The following TMEM217 variants were observed in gnomAD, a reference collection of about 807,000 sequenced individuals.
TMEM217 encodes the protein transmembrane protein 217.
For synonymous variants in TMEM217, 76 were observed against 88.3 expected (o/e 0.86, Z 0.78); for missense variants, 204 against 248.8 (o/e 0.82, Z 1.21).
chr6:37,220,408 C>T (rs1036237843), intron 1 of TMEM217, among the ~76,000 whole-genome samples: 2 of 152,060 alleles, frequency 1.3e-5, no homozygotes, highest in Non-Finnish European at 2.9e-5. Flanking sequence ...CAAAGGCCTA[C>T]GATTAGGGGA....
chr6:37,230,862 T>G (rs1184042047), intron 1 of TMEM217, among the ~76,000 whole-genome samples: 5 of 152,100 alleles, frequency 3.3e-5, no homozygotes, highest in African/African-American at 7.2e-5. Context: ...CTTATAAAAA[T>G]TAAGTTAATT....
intron 1 of TMEM217, among the ~76,000 whole-genome samples, chr6:37,227,041 CCTGTATAT>C (rs1763880391): frequency 6.6e-6 from 1 of 152,170 alleles, no homozygotes; most frequent in Non-Finnish European, 1.5e-5. Flanking sequence ...TTTGCCCAGG[CCTGTATAT>C]CTGCACAGCA....
chr6:37,213,604 C>T (rs985708116), downstream of TMEM217, among the ~76,000 whole-genome samples: 1 of 152,226 alleles, frequency 6.6e-6, no homozygotes, highest in Non-Finnish European at 1.5e-5. Flanking sequence ...TAACAATAAG[C>T]CACCATTGTG....
intron 1 of TMEM217, among the ~76,000 whole-genome samples, chr6:37,255,623 G>A (rs1458496464): frequency 6.6e-6 from 1 of 151,630 alleles, no homozygotes; most frequent in Non-Finnish European, 1.5e-5. Flanking sequence ...GATGGAGGTT[G>A]TAGTGTGCTG....
intron 1 of TMEM217, among the ~76,000 whole-genome samples, chr6:37,225,354 A>C (rs1009276862): frequency 3.9e-5 from 6 of 152,142 alleles, no homozygotes; most frequent in African/African-American, 1.4e-4. Flanking sequence ...TGAGAGATTC[A>C]CAAGTGTTCA....
chr6:37,256,627 G>A (rs1765749878), intron 1 of TMEM217, among the ~76,000 whole-genome samples: 2 of 152,084 alleles, frequency 1.3e-5, no homozygotes, highest in South Asian at 4.1e-4. Flanking sequence ...TGGGAGTAAT[G>A]AAGAAACCGT....
At chr6:37,250,672 C>T (rs1176896589) in intron 1 of TMEM217, among the ~76,000 whole-genome samples, 1 of 152,248 alleles carries the variant, frequency 6.6e-6, no homozygotes, top group Non-Finnish European at 1.5e-5. Context: ...TACATCACAA[C>T]CAAGTATCTC....
intron 1 of TMEM217, among the ~76,000 whole-genome samples, chr6:37,251,257 A>C (rs1330692470): frequency 6.6e-6 from 1 of 151,692 alleles, no homozygotes; most frequent in Non-Finnish European, 1.5e-5. Flanking sequence ...GGCACATCTC[A>C]CATATGGGAA....
intron 1 of TMEM217, among the ~76,000 whole-genome samples, chr6:37,227,237 G>C (rs768383809): frequency 2.0e-5 from 3 of 152,176 alleles, no homozygotes; most frequent in Non-Finnish European, 4.4e-5. Flanking sequence ...CTTGATTAGA[G>C]TAGGCCTTTG....
chr6:37,218,524 A>G (rs1741010417), exon 2 of TMEM217: 1 of 1,613,992 alleles, frequency 6.2e-7, no homozygotes, highest in South Asian at 1.1e-5. Context: ...CCGCTGTAGA[A>G]ATTCGTCTCT....
chr6:37,219,959 A>G (rs1411349020), intron 1 of TMEM217, among the ~76,000 whole-genome samples: 3 of 152,200 alleles, frequency 2.0e-5, no homozygotes, highest in Non-Finnish European at 4.4e-5. Flanking sequence ...GATTACAGTG[A>G]AAGATGCATA....
At chr6:37,236,113 CT>C (rs1437126538) in intron 1 of TMEM217, among the ~76,000 whole-genome samples, 1 of 152,040 alleles carries the variant, frequency 6.6e-6, no homozygotes, top group African/African-American at 2.4e-5. Context: ...CGTGTTTGAA[CT>C]GAAAAAAGTG....
intron 1 of TMEM217, among the ~76,000 whole-genome samples, chr6:37,224,774 G>T (rs1269912283): frequency 6.6e-6 from 1 of 152,026 alleles, no homozygotes; most frequent in Non-Finnish European, 1.5e-5. Context: ...TATTTTTCAA[G>T]ATTGAGAGCA....
intron 1 of TMEM217, among the ~76,000 whole-genome samples, chr6:37,245,453 G>A (rs748645637): frequency 2.6e-5 from 4 of 152,234 alleles, no homozygotes; most frequent in African/African-American, 7.2e-5. Context: ...AACTCCTCCC[G>A]ATTCGAAGTC....
intron 1 of TMEM217, among the ~76,000 whole-genome samples, chr6:37,249,798 T>C (rs1765302329): frequency 6.6e-6 from 1 of 152,234 alleles, no homozygotes; most frequent in Admixed American, 6.5e-5. Context: ...TCCCATGTGG[T>C]TGGAAGTGTA....
At chr6:37,228,672 C>A (rs1330618849) in intron 1 of TMEM217, among the ~76,000 whole-genome samples, 1 of 152,010 alleles carries the variant, frequency 6.6e-6, no homozygotes, top group South Asian at 2.1e-4. Flanking sequence ...CCACTGCACT[C>A]CAGCTTGGGC....
intron 1 of TMEM217, among the ~76,000 whole-genome samples, chr6:37,244,707 C>T (rs1201324915): frequency 6.6e-6 from 1 of 152,158 alleles, no homozygotes; most frequent in South Asian, 2.1e-4. Flanking sequence ...CATAAAACCA[C>T]AATGGCATGT....
downstream of TMEM217, among the ~76,000 whole-genome samples, chr6:37,214,609 T>C (rs1763086437): frequency 2.0e-5 from 3 of 152,138 alleles, no homozygotes; most frequent in Admixed American, 2.0e-4. Context: ...CTTCCCCCGC[T>C]CCCTACTAAC....
chr6:37,238,479 C>A (rs1233106162), intron 1 of TMEM217, among the ~76,000 whole-genome samples: 1 of 152,140 alleles, frequency 6.6e-6, no homozygotes, highest in Non-Finnish European at 1.5e-5. Flanking sequence ...TGAGCCCAGA[C>A]CCAGGCAAAA....
Sources: gnomAD v4.1 joint callset for allele counts (sites outside exome capture counted in the v4.1 genomes callset) on GRCh38, gnomAD v4.1.1 for gene constraint, MANE v1.5 for transcripts, NCBI Gene and HGNC (gene_info 2026-07-23, HGNC 2026-07-21) for gene names.